The following CLINT1 variants were observed in gnomAD, a reference collection of about 807,000 sequenced individuals.
CLINT1 encodes clathrin interactor 1.
A neutral mutation model predicts 70.4 loss-of-function variants in CLINT1; 15 were observed. The ratio of observed to expected loss-of-function variants is 0.21; its 90% CI spans 0.14 to 0.33. The LOEUF (loss-of-function observed/expected upper bound fraction) is 0.33. Ranked by LOEUF, CLINT1 falls within the 10% of genes least tolerant of loss-of-function variation. The pLI is 1.00. For synonymous variants in CLINT1, 227 were observed against 254.7 expected, an observed-to-expected ratio of 0.89 and a Z score of 1.04; for missense variants, 615 against 778.1, an observed-to-expected ratio of 0.79 and a Z score of 2.49.
At chr5:157,858,360 G>A (rs1753821593) in intron 1 of CLINT1, among the ~76,000 whole-genome samples, 1 of 152,342 alleles carries the variant, frequency 6.6e-6, no homozygotes, top group South Asian at 2.1e-4. Flanking sequence ...GTCTTCTTGA[G>A]TAACTTCAGG....
At position 157,817,466 on chromosome 5, in the gene CLINT1, C is replaced by T. The variant is rs749054148; in HGVS notation, c.123G>A (p.Gly41=). 1 of 1,601,370 alleles carries T rather than the reference C, an allele frequency of 6.2e-7. No individual in the cohort carries two copies. Among genetic ancestry groups the T allele is most frequent in the Non-Finnish European group, 8.5e-7 (1 of 1,173,048 alleles). The part of the protein sequence containing the change: ...ATNDDPWGPS[G]QLMGEIAKAT... ...ACTTGGCAATCTCTCCCATGAGTTGCCCAGAAGGTCCCCAAGGATCATCGT... is the reference window on the plus strand; with the variant it reads ...ACTTGGCAATCTCTCCCATGAGTTGTCCAGAAGGTCCCCAAGGATCATCGT... Residue 41 remains glycine, a synonymous_variant, in exon 2 of 12, where the codon GGG becomes GGA. Coordinates refer to ENST00000411809, the MANE Select transcript of CLINT1 (RefSeq NM_014666.4).
intron 1 of CLINT1, among the ~76,000 whole-genome samples, chr5:157,847,583 T>G (rs1753425961): frequency 6.6e-6 from 1 of 152,010 alleles, no homozygotes. Context: ...ATTCCAAACC[T>G]CATGGATCAC....
intron 1 of CLINT1, among the ~76,000 whole-genome samples, chr5:157,833,611 A>G (rs1377312867): frequency 6.6e-6 from 1 of 152,114 alleles, no homozygotes; most frequent in African/African-American, 2.4e-5. Flanking sequence ...CGCTCTTCAT[A>G]GCACCCTTTG....
intron 1 of CLINT1, among the ~76,000 whole-genome samples, chr5:157,839,720 AATCTATCTATCTATCTATCTATCTATCT>A (rs10632085): frequency 1.3e-5 from 2 of 148,408 alleles, no homozygotes; most frequent in South Asian, 2.2e-4. Context: ...TTACAACAAA[AATCTATCTATCTATCTATCTATCTATCT>A]ATCTATCTAT....
chr5:157,801,296 C>CAGG (rs1300065247), intron 8 of CLINT1, among the ~76,000 whole-genome samples: 1 of 151,916 alleles, frequency 6.6e-6, no homozygotes, highest in East Asian at 1.9e-4. Flanking sequence ...CACCTGAGGT[C>CAGG]AGGAGTTTGA....
At chr5:157,848,774 G>C (rs1161175683) in intron 1 of CLINT1, among the ~76,000 whole-genome samples, 2 of 152,262 alleles carry the variant, frequency 1.3e-5, no homozygotes, top group African/African-American at 4.8e-5. Flanking sequence ...TGATTCTCCT[G>C]CCTCACACTC....
chr5:157,839,789 T>C (rs1753089658), intron 1 of CLINT1, among the ~76,000 whole-genome samples: 1 of 151,414 alleles, frequency 6.6e-6, no homozygotes, highest in African/African-American at 2.4e-5. Context: ...CTGTATAATC[T>C]CTATTTTAAA....
rs112077491 is a variant in CLINT1, at chr5:157,837,411, T to TACAC, written c.42-19868_42-19865dup. Reference sequence around the variant, plus strand: ...AAAGGAAGGATGGAATATATGTAAATACACACACACACACACACACACACA... The same window carrying TACAC: ...AAAGGAAGGATGGAATATATGTAAATACACACACACACACACACACACACACACA... On this transcript the variant is annotated intron_variant, in intron 1 of 11. Coordinates refer to ENST00000411809, the MANE Select transcript of CLINT1 (RefSeq NM_014666.4). 2.7e-3 allele frequency among the ~76,000 whole-genome samples: 398 copies of TACAC among 147,762 alleles called. 3 individuals carry two copies. The highest frequency in any genetic ancestry group is 8.2e-3 in the African/African-American group (329 of 40,368).
intron 7 of CLINT1, among the ~76,000 whole-genome samples, chr5:157,804,089 T>C (rs1370740699): frequency 1.4e-5 from 2 of 142,018 alleles, no homozygotes; most frequent in Non-Finnish European, 3.1e-5. Context: ...TCCCATACAA[T>C]ACACTGAGTC....
At chr5:157,797,194 G>C (rs1023516039) in intron 8 of CLINT1, among the ~76,000 whole-genome samples, 2 of 152,138 alleles carry the variant, frequency 1.3e-5, no homozygotes, top group African/African-American at 4.8e-5. Context: ...TTTGTTTTCT[G>C]TAAAGTAGTC....
At chr5:157,831,536 A>G (rs1763244446) in intron 1 of CLINT1, among the ~76,000 whole-genome samples, 1 of 152,004 alleles carries the variant, frequency 6.6e-6, no homozygotes, top group Non-Finnish European at 1.5e-5. Context: ...AGCACAATAA[A>G]AAAGATGGAT....
rs118164635 is a variant in CLINT1 at position 157,817,007 on chromosome 5, C to T, written c.147-177G>A. On this transcript the variant is annotated intron_variant, in intron 2 of 11. Coordinates refer to ENST00000411809, the MANE Select transcript of CLINT1 (RefSeq NM_014666.4). ...GTTTTCCCTATGTTTTATACACTAC[C>T]TGGCACATATGTAAGCCCCACTAAT... Among the ~76,000 whole-genome samples the T allele has an allele frequency of 5.9e-4, 90 of 152,170 alleles. 1 individual carries two copies. In the East Asian group the frequency reaches 0.015, roughly 25 times the overall value.
At chr5:157,797,961 A>G (rs1402103756) in intron 8 of CLINT1, among the ~76,000 whole-genome samples, 1 of 152,196 alleles carries the variant, frequency 6.6e-6, no homozygotes, top group Non-Finnish European at 1.5e-5. Flanking sequence ...CAAAAAATGG[A>G]AAGATGTATG....
chr5:157,856,572 T>C (rs2113348958), intron 1 of CLINT1, among the ~76,000 whole-genome samples: 1 of 152,358 alleles, frequency 6.6e-6, no homozygotes, highest in Non-Finnish European at 1.5e-5. Context: ...GCACGTCTAT[T>C]ATGGCATTAT....
intron 6 of CLINT1, 111 bp from the exon 7 acceptor site, chr5:157,806,223 C>CT: frequency 9.6e-7 from 1 of 1,045,768 alleles, no homozygotes; most frequent in East Asian, 2.6e-5. Flanking sequence ...AAATTTCATA[C>CT]TTTGACTACT....
chr5:157,809,943 C>A, intron 5 of CLINT1, 138 bp from the exon 6 acceptor site: 1 of 763,820 alleles, frequency 1.3e-6, no homozygotes, highest in South Asian at 1.9e-5. Context: ...AGTGCTGAAT[C>A]AACACAATTA....
At chr5:157,819,937 G>T (rs186118949) in intron 1 of CLINT1, among the ~76,000 whole-genome samples, 1 of 152,306 alleles carries the variant, frequency 6.6e-6, no homozygotes, top group African/African-American at 2.4e-5. Flanking sequence ...CCCTTCACAA[G>T]ATTCTTAGCT....
At chr5:157,820,764 T>C (rs1042318559) in intron 1 of CLINT1, among the ~76,000 whole-genome samples, 3 of 152,092 alleles carry the variant, frequency 2.0e-5, no homozygotes, top group Non-Finnish European at 4.4e-5. Context: ...ATGTCCAGAT[T>C]TGAAAGGAAA....
At chr5:157,788,968 GAAAAA>G (rs58634730) in intron 11 of CLINT1, among the ~76,000 whole-genome samples, 5 of 95,578 alleles carry the variant, frequency 5.2e-5, no homozygotes, top group Admixed American at 1.3e-4. Flanking sequence ...CTCCATCTCA[GAAAAA>G]AAAAAAAAAA....
Sources: allele counts gnomAD v4.1 joint callset (sites outside exome capture counted in the v4.1 genomes callset), GRCh38; gene constraint gnomAD v4.1.1; transcripts MANE v1.5; gene names NCBI Gene and HGNC (gene_info 2026-07-23, HGNC 2026-07-21).